EXOC4: variants seen among roughly 807,000 people sequenced by gnomAD.
The protein encoded by EXOC4 is exocyst complex component 4.
A neutral mutation model predicts 107.2 loss-of-function variants in EXOC4; 71 were observed. The ratio of observed to expected loss-of-function variants is 0.66; its 90% CI spans 0.55 to 0.81. EXOC4 has a LOEUF of 0.81. EXOC4 is among the 30% of genes least tolerant of loss of function. EXOC4 has a pLI of 0.00. For synonymous variants in EXOC4, 456 were observed against 441.2 expected (o/e 1.03, Z -0.42); for missense variants, 1,108 against 1,189.6 (o/e 0.93, Z 1.01).
chr7:134,025,861 C>T (rs73156985), intron 17 of EXOC4, among the ~76,000 whole-genome samples: 2,339 of 152,274 alleles, frequency 0.015, 31 homozygotes, highest in Non-Finnish European at 0.019. Flanking sequence ...TAAAGCAAGT[C>T]ACAGGGCTAG....
chr7:133,995,364 G>T (rs1306363041), intron 14 of EXOC4, among the ~76,000 whole-genome samples: 1 of 152,078 alleles, frequency 6.6e-6, no homozygotes, highest in Non-Finnish European at 1.5e-5. Context: ...TCCAATTTCT[G>T]CCTCTTCTCA....
At chr7:133,782,188 A>T (rs745389005) in intron 10 of EXOC4, among the ~76,000 whole-genome samples, 2 of 152,122 alleles carry the variant, frequency 1.3e-5, no homozygotes, top group Non-Finnish European at 2.9e-5. Context: ...ATTGGTAGTT[A>T]TTTATCAAAG....
chr7:133,281,740 T>G (rs1214389302), intron 2 of EXOC4, among the ~76,000 whole-genome samples: 6 of 151,562 alleles, frequency 4.0e-5, no homozygotes, highest in Admixed American at 3.9e-4. Context: ...CTCGCTCTGT[T>G]GCCCAAGCTG....
intron 7 of EXOC4, among the ~76,000 whole-genome samples, chr7:133,380,563 C>A (rs924878568): frequency 2.0e-5 from 3 of 152,076 alleles, no homozygotes; most frequent in Non-Finnish European, 2.9e-5. Flanking sequence ...TACTGATCTA[C>A]TTTTTGGAAA....
chr7:133,787,139 T>C (rs1330032297), intron 10 of EXOC4, among the ~76,000 whole-genome samples: 1 of 150,002 alleles, frequency 6.7e-6, no homozygotes, highest in Non-Finnish European at 1.5e-5. Context: ...GTACTTTTTT[T>C]TTCTTGTTTT....
chr7:133,357,604 G>GTTC (rs1304424541), intron 6 of EXOC4, among the ~76,000 whole-genome samples: 1 of 152,074 alleles, frequency 6.6e-6, no homozygotes, highest in Non-Finnish European at 1.5e-5. Flanking sequence ...TTGTAGATAC[G>GTTC]TTGTTAAGGA....
At chr7:133,983,582 C>T (rs1172908494) in intron 14 of EXOC4, among the ~76,000 whole-genome samples, 3 of 151,822 alleles carry the variant, frequency 2.0e-5, no homozygotes, top group Non-Finnish European at 3.0e-5. Flanking sequence ...ATAAGCCGTT[C>T]CCTAAGGCTC....
chr7:133,696,750 CTGT>C (rs1295126922), intron 10 of EXOC4, among the ~76,000 whole-genome samples: 1 of 152,106 alleles, frequency 6.6e-6, no homozygotes, highest in Non-Finnish European at 1.5e-5. Context: ...TACTATGTTT[CTGT>C]TGTTGCATTT....
At chr7:133,736,578 T>C (rs1795449301) in intron 10 of EXOC4, among the ~76,000 whole-genome samples, 1 of 152,234 alleles carries the variant, frequency 6.6e-6, no homozygotes, top group South Asian at 2.1e-4. Flanking sequence ...TCTAGGTTTA[T>C]TCTTTCAAAG....
At chr7:133,259,006 A>G (rs1795080602) in intron 1 of EXOC4, among the ~76,000 whole-genome samples, 1 of 152,158 alleles carries the variant, frequency 6.6e-6, no homozygotes, top group Admixed American at 6.5e-5. Flanking sequence ...AAGGACAACA[A>G]TATTGTGTAT....
chr7:133,918,141 C>A (rs531838382), intron 13 of EXOC4, among the ~76,000 whole-genome samples: 1 of 94,940 alleles, frequency 1.1e-5, no homozygotes, highest in Non-Finnish European at 2.0e-5. Context: ...CACCACCACG[C>A]CCGGCTAATT....
chr7:133,723,556 T>G (rs1260507883), intron 10 of EXOC4, among the ~76,000 whole-genome samples: 1 of 152,070 alleles, frequency 6.6e-6, no homozygotes, highest in Non-Finnish European at 1.5e-5. Context: ...AATGGCGTGA[T>G]CTTGGCTCAC....
intron 17 of EXOC4, 124 bp from the exon 18 acceptor site, chr7:134,064,167 A>T (rs1039687059): frequency 1.8e-6 from 1 of 561,708 alleles, no homozygotes; most frequent in Admixed American, 3.4e-5. Flanking sequence ...GGCCTAGAAC[A>T]CTGCCTGCTG....
chr7:133,538,176 T>C (rs1302274125), intron 9 of EXOC4, among the ~76,000 whole-genome samples: 1 of 152,186 alleles, frequency 6.6e-6, no homozygotes, highest in African/African-American at 2.4e-5. Context: ...CCTTTTTCAC[T>C]ATGGTACAAG....
chr7:133,392,934 C>G (rs558317609), intron 7 of EXOC4, among the ~76,000 whole-genome samples: 8 of 152,276 alleles, frequency 5.3e-5, no homozygotes, highest in African/African-American at 1.9e-4. Flanking sequence ...CTGTACAATT[C>G]GGACAAAGTC....
chr7:133,917,853 G>C, intron 13 of EXOC4, 115 bp downstream of exon 13: 1 of 991,794 alleles, frequency 1.0e-6, no homozygotes, highest in South Asian at 2.0e-5. Context: ...GCAATTACTT[G>C]AACTTAGTAA....
chr7:133,576,027 A>G (rs2150963054), intron 9 of EXOC4, among the ~76,000 whole-genome samples: 1 of 152,330 alleles, frequency 6.6e-6, no homozygotes, highest in Non-Finnish European at 1.5e-5. Flanking sequence ...CCTTCAGCTC[A>G]TGAGTGCTGA....
At chr7:133,831,469 C>G (rs1490748165) in intron 11 of EXOC4, among the ~76,000 whole-genome samples, 1 of 151,880 alleles carries the variant, frequency 6.6e-6, no homozygotes, top group Non-Finnish European at 1.5e-5. Flanking sequence ...GAGTTATAAT[C>G]CACTTTATTT....
intron 7 of EXOC4, among the ~76,000 whole-genome samples, chr7:133,452,604 C>T (rs559165642): frequency 8.0e-5 from 12 of 149,282 alleles, no homozygotes; most frequent in African/African-American, 2.7e-4. Flanking sequence ...AGCTAATGCT[C>T]ATCCATTCTA....
Sources: allele counts gnomAD v4.1 joint callset (sites outside exome capture counted in the v4.1 genomes callset), GRCh38; gene constraint gnomAD v4.1.1; transcripts MANE v1.5; gene names NCBI Gene and HGNC (gene_info 2026-07-23, HGNC 2026-07-21).